The following VRTN variants were observed in gnomAD, a reference collection of about 807,000 sequenced individuals.
VRTN encodes the protein vertnin.
Under a neutral mutation model 18.2 loss-of-function variants are expected in VRTN, and 5 were observed. That is an observed-to-expected ratio of 0.27 (90% confidence interval 0.14 to 0.58). The LOEUF is 0.58. Ranked by LOEUF, VRTN falls within the 20% of genes least tolerant of loss-of-function variation. VRTN has a pLI of 0.91. For missense variants in VRTN, 741 were observed against 939.4 expected, an observed-to-expected ratio of 0.79 and a Z score of 2.76; for synonymous variants, 381 against 393.7, an observed-to-expected ratio of 0.97 and a Z score of 0.38.
At chr14:74,346,593 T>C (rs1482082125), upstream of VRTN, among the ~76,000 whole-genome samples, 1 of 152,172 alleles carries the variant, frequency 6.6e-6, no homozygotes, top group Admixed American at 6.5e-5. Context: ...TATTCTGTAT[T>C]ATTTCAATCT....
rs139241074 is a variant in VRTN at position 74,358,260 on chromosome 14, G to T, written c.1477G>T (p.Ala493Ser). Residue 493 changes from alanine (A) to serine (S), a missense_variant, in exon 2 of 2, where the codon GCC (alanine) becomes TCC (serine). Ala to Ser is a moderately conservative substitution (Grantham distance 99). Transcript: ENST00000256362. The surrounding 1 kb of genome is among the most constrained non-coding windows in gnomAD (Gnocchi z 5.4). The part of the protein sequence containing the change: ...AGNATGEDPP[A>S]PGELLPLRMP... ...GAATGCCACAGGTGAGGACCCTCCC[G>T]CCCCCGGGGAGCTCCTGCCACTAAG... 18 of 1,610,488 alleles carry T rather than the reference G, an allele frequency of 1.1e-5. No homozygotes were observed. The highest frequency in any genetic ancestry group is 1.6e-4 in the Middle Eastern group (1 of 6,066).
At chr14:74,319,435 C>T (rs981704908) in intron 1 of VRTN, among the ~76,000 whole-genome samples, 1 of 152,244 alleles carries the variant, frequency 6.6e-6, no homozygotes, top group African/African-American at 2.4e-5. Flanking sequence ...TGTGGTTCTG[C>T]AGCTCATCCA....
exon 1 of VRTN, chr14:74,303,073 G>C (rs1184355105): frequency 1.5e-6 from 1 of 686,718 alleles, no homozygotes. Context: ...GTCTCTAAAA[G>C]TACCAGAGAG....
chr14:74,326,431 G>A (rs2085488024), intron 1 of VRTN, among the ~76,000 whole-genome samples: 1 of 152,094 alleles, frequency 6.6e-6, no homozygotes, highest in Admixed American at 6.6e-5. Flanking sequence ...TAAGCAGGCT[G>A]GGGTCTGGCT....
intron 1 of VRTN, among the ~76,000 whole-genome samples, chr14:74,325,823 A>G (rs1394155543): frequency 2.6e-5 from 4 of 152,162 alleles, no homozygotes; most frequent in Non-Finnish European, 5.9e-5. Context: ...ATAAACATAC[A>G]TTTAAAAGAT....
At chr14:74,350,367 G>C (rs1237255478) in intron 1 of VRTN, among the ~76,000 whole-genome samples, 1 of 152,034 alleles carries the variant, frequency 6.6e-6, no homozygotes, top group African/African-American at 2.4e-5. Flanking sequence ...GTGGAACTGG[G>C]CCTGGGAAGA....
At chr14:74,324,110 C>T (rs981030169) in intron 1 of VRTN, among the ~76,000 whole-genome samples, 3 of 152,000 alleles carry the variant, frequency 2.0e-5, no homozygotes, top group Admixed American at 6.6e-5. Context: ...TATAAGAGGC[C>T]GGGCATGGTG....
At position 74,357,803 on chromosome 14, in the gene VRTN, G is replaced by A. The variant is rs141348110; in HGVS notation, c.1020G>A (p.Pro340=). Residue 340 remains proline, a synonymous_variant, in exon 2 of 2, where the codon CCG becomes CCA. Coordinates refer to ENST00000256362, the MANE Select transcript of VRTN (RefSeq NM_018228.3). This position sits in a 1 kb window ranked among gnomAD's most constrained non-coding sequence, Gnocchi z 7.8. Reference sequence around the variant, plus strand: ...TTCAGCAGTTCCTCCAGCGGTTCCCGGAGATCTCCCGCTCAACCTACTATG... The same window carrying A: ...TTCAGCAGTTCCTCCAGCGGTTCCCAGAGATCTCCCGCTCAACCTACTATG... The part of the protein sequence containing the change: ...VPLQQFLQRF[P]EISRSTYYAW... 1.8e-4 allele frequency: 289 copies of A among 1,612,986 alleles called. 1 individual carries two copies. The highest frequency in any genetic ancestry group is 1.9e-4 in the Non-Finnish European group (227 of 1,180,030).
intron 1 of VRTN, among the ~76,000 whole-genome samples, chr14:74,333,855 AAAATAAAT>A (rs1003937006): frequency 6.8e-6 from 1 of 146,030 alleles, no homozygotes; most frequent in East Asian, 2.0e-4. Context: ...AAAATAAATA[AAAATAAAT>A]AAATAAATAA....
At chr14:74,356,748 C>A (rs748806117) in intron 1 of VRTN, 35 bp from the exon 2 acceptor site, 2 of 1,540,268 alleles carry the variant, frequency 1.3e-6, no homozygotes, top group Non-Finnish European at 1.8e-6. Context: ...GGCACTTCGA[C>A]CTGACTACTG....
upstream of VRTN, among the ~76,000 whole-genome samples, chr14:74,344,733 T>TAAAAAA (rs60479764): frequency 3.7e-5 from 2 of 54,090 alleles, no homozygotes; most frequent in African/African-American, 1.2e-4. Context: ...AGACTCTGAC[T>TAAAAAA]AAAAAAAAAA....
intron 1 of VRTN, among the ~76,000 whole-genome samples, chr14:74,351,193 C>T (rs913325261): frequency 1.3e-5 from 2 of 152,218 alleles, no homozygotes; most frequent in Non-Finnish European, 2.9e-5. Context: ...AAAAGCTTGT[C>T]TGTGTGTACA....
intron 2 of VRTN, among the ~76,000 whole-genome samples, chr14:74,343,039 A>G (rs1391159089): frequency 6.6e-6 from 1 of 152,236 alleles, no homozygotes; most frequent in East Asian, 1.9e-4. Context: ...TTAGATTGAC[A>G]AAGATTATAA....
At chr14:74,319,639 C>G (rs965274090) in intron 1 of VRTN, among the ~76,000 whole-genome samples, 4 of 152,178 alleles carry the variant, frequency 2.6e-5, no homozygotes, top group African/African-American at 9.7e-5. Context: ...ATTTGAGATG[C>G]CTGTTGGACA....
At chr14:74,319,233 T>C (rs1250910158) in intron 1 of VRTN, among the ~76,000 whole-genome samples, 1 of 150,494 alleles carries the variant, frequency 6.6e-6, no homozygotes, top group African/African-American at 2.4e-5. Context: ...GGGGTTTCAC[T>C]ATGTTGGCCA....
chr14:74,324,417 TATTTTA>T (rs1470775090), intron 1 of VRTN, among the ~76,000 whole-genome samples: 4 of 148,274 alleles, frequency 2.7e-5, no homozygotes, highest in Non-Finnish European at 4.5e-5. Context: ...AAGAAGGATT[TATTTTA>T]ATTTTAATTT....
At chr14:74,309,058 A>G (rs1279140410) in intron 1 of VRTN, among the ~76,000 whole-genome samples, 1 of 152,028 alleles carries the variant, frequency 6.6e-6, no homozygotes, top group East Asian at 1.9e-4. Flanking sequence ...TAGGGGCTAG[A>G]AAACAAACCT....
chr14:74,343,229 C>G (rs566846403), intron 2 of VRTN, among the ~76,000 whole-genome samples: 1 of 151,990 alleles, frequency 6.6e-6, no homozygotes, highest in African/African-American at 2.4e-5. Flanking sequence ...CAGGTTCAAG[C>G]GATTCTCCTG....
At chr14:74,303,170 C>T in exon 1 of VRTN, 1 of 413,812 alleles carries the variant, frequency 2.4e-6, no homozygotes, top group East Asian at 3.6e-5. Flanking sequence ...AGTGTAACTA[C>T]TTTATGGCAA....
Sources: allele counts gnomAD v4.1 joint callset (sites outside exome capture counted in the v4.1 genomes callset), GRCh38; gene constraint gnomAD v4.1.1; non-coding constraint Gnocchi (gnomAD v3.1); transcripts MANE v1.5; gene names NCBI Gene and HGNC (gene_info 2026-07-23, HGNC 2026-07-21).